BABAM2: variants seen among roughly 807,000 people sequenced by gnomAD.
BABAM2 encodes BRISC and BRCA1 A complex member 2.
BABAM2 carries 31 observed loss-of-function variants against 54.7 expected under a neutral mutation model. The ratio of observed to expected loss-of-function variants is 0.57; its 90% CI spans 0.43 to 0.77. The LOEUF (loss-of-function observed/expected upper bound fraction) is 0.77. Among genes scored for constraint, BABAM2 ranks in the 30% least tolerant of loss-of-function variants. BABAM2 has a pLI of 0.00. For missense variants in BABAM2, 364 were observed against 455.8 expected (o/e 0.80, Z 1.83); for synonymous variants, 167 against 162.9 (o/e 1.03, Z -0.19).
intron 4 of BABAM2, among the ~76,000 whole-genome samples, chr2:28,004,913 T>G (rs551765521): frequency 6.6e-6 from 1 of 152,308 alleles, no homozygotes; most frequent in South Asian, 2.1e-4. Flanking sequence ...AACATGAACT[T>G]TAGCCTAGTT....
At chr2:28,216,475 A>G (rs1245231652) in intron 7 of BABAM2, among the ~76,000 whole-genome samples, 1 of 152,234 alleles carries the variant, frequency 6.6e-6, no homozygotes, top group Non-Finnish European at 1.5e-5. Flanking sequence ...TATTTAGTTC[A>G]TCTTCCTTGG....
At chr2:27,948,973 A>G (rs764686728) in intron 3 of BABAM2, among the ~76,000 whole-genome samples, 1 of 152,150 alleles carries the variant, frequency 6.6e-6, no homozygotes, top group Non-Finnish European at 1.5e-5. Context: ...TTTTAAAATC[A>G]GGAATGGTCA....
chr2:28,298,260 A>T, intron 10 of BABAM2, 78 bp from the exon 11 acceptor site: 3 of 1,468,288 alleles, frequency 2.0e-6, no homozygotes, highest in Non-Finnish European at 1.9e-6. Context: ...CGTACCTAAC[A>T]TTCGGATTTA....
At chr2:28,201,852 A>G (rs2147956872) in intron 7 of BABAM2, among the ~76,000 whole-genome samples, 1 of 152,322 alleles carries the variant, frequency 6.6e-6, no homozygotes, top group African/African-American at 2.4e-5. Context: ...GGCAAGACAC[A>G]GGAGGATTAA....
At chr2:28,002,616 C>T (rs2148515020) in intron 4 of BABAM2, among the ~76,000 whole-genome samples, 1 of 152,048 alleles carries the variant, frequency 6.6e-6, no homozygotes, top group African/African-American at 2.4e-5. Context: ...TACTCCTAGA[C>T]ACATCATGGC....
chr2:28,133,074 G>T (rs1670229381), intron 7 of BABAM2, among the ~76,000 whole-genome samples: 2 of 152,154 alleles, frequency 1.3e-5, no homozygotes, highest in Admixed American at 1.3e-4. Context: ...ATATCTTTAA[G>T]TAGAAGTTTT....
At chr2:28,015,727 A>G in intron 4 of BABAM2, 1 of 1,036,018 alleles carries the variant, frequency 9.7e-7, no homozygotes, top group East Asian at 6.0e-5. Flanking sequence ...TTTATAAGGG[A>G]ATCCTGATTT....
chr2:28,143,405 A>G (rs1671230411), intron 7 of BABAM2, among the ~76,000 whole-genome samples: 1 of 152,116 alleles, frequency 6.6e-6, no homozygotes, highest in Non-Finnish European at 1.5e-5. Context: ...TTTGTGTAGG[A>G]TGAATAAATC....
chr2:28,158,966 A>G (rs6726716), intron 7 of BABAM2, among the ~76,000 whole-genome samples: 34,300 of 152,150 alleles, frequency 0.23, 4,051 homozygotes, highest in South Asian at 0.43. Flanking sequence ...ATGTCTGGAA[A>G]TTTTACTGGT....
At chr2:28,314,497 G>C (rs1032163413) in intron 11 of BABAM2, among the ~76,000 whole-genome samples, 2 of 152,218 alleles carry the variant, frequency 1.3e-5, no homozygotes, top group African/African-American at 4.8e-5. Context: ...TGTTTGCCTT[G>C]GTTGACACTC....
intron 6 of BABAM2, among the ~76,000 whole-genome samples, chr2:28,090,656 C>A (rs1012921765): frequency 6.6e-6 from 1 of 152,046 alleles, no homozygotes; most frequent in East Asian, 1.9e-4. Flanking sequence ...GGTCATTCCC[C>A]GGGGATTATT....
chr2:27,981,124 A>G (rs996437663), intron 3 of BABAM2, among the ~76,000 whole-genome samples: 1 of 152,168 alleles, frequency 6.6e-6, no homozygotes, highest in Non-Finnish European at 1.5e-5. Context: ...CTTAAAAATA[A>G]AGATCTTTGC....
intron 10 of BABAM2, among the ~76,000 whole-genome samples, chr2:28,275,206 A>AC (rs1685772081): frequency 6.6e-6 from 1 of 152,226 alleles, no homozygotes; most frequent in Non-Finnish European, 1.5e-5. Flanking sequence ...CATTTGGATG[A>AC]AGCCAACGGA....
At chr2:28,295,254 T>C (rs1487830587) in intron 10 of BABAM2, among the ~76,000 whole-genome samples, 1 of 152,192 alleles carries the variant, frequency 6.6e-6, no homozygotes, top group Admixed American at 6.5e-5. Context: ...GCCAGTAGCT[T>C]GAAAATCACA....
At chr2:28,159,182 A>G (rs1156643795) in intron 7 of BABAM2, among the ~76,000 whole-genome samples, 2 of 152,224 alleles carry the variant, frequency 1.3e-5, no homozygotes, top group Admixed American at 6.5e-5. Flanking sequence ...TTGAGTGCCT[A>G]TGACATGTCA....
At chr2:28,093,955 G>T (rs186269420) in intron 6 of BABAM2, among the ~76,000 whole-genome samples, 1 of 152,250 alleles carries the variant, frequency 6.6e-6, no homozygotes, top group Admixed American at 6.5e-5. Context: ...AGGCTGGGGG[G>T]CTGATGCAGG....
At chr2:28,279,681 T>TC (rs1686184206) in intron 10 of BABAM2, among the ~76,000 whole-genome samples, 1 of 150,176 alleles carries the variant, frequency 6.7e-6, no homozygotes, top group African/African-American at 2.5e-5. Flanking sequence ...TTTTTTTTTT[T>TC]TGAGATGGAG....
intron 3 of BABAM2, among the ~76,000 whole-genome samples, chr2:27,951,658 C>G (rs1669728825): frequency 6.6e-6 from 1 of 152,040 alleles, no homozygotes; most frequent in Non-Finnish European, 1.5e-5. Flanking sequence ...CAAATGTGAT[C>G]TATTGTTACT....
chr2:28,069,846 T>C (rs1222543776), intron 6 of BABAM2, among the ~76,000 whole-genome samples: 1 of 152,208 alleles, frequency 6.6e-6, no homozygotes, highest in East Asian at 1.9e-4. Flanking sequence ...TTTATTATCA[T>C]TCTTGTTACT....
Sources: gnomAD v4.1 joint callset for allele counts (sites outside exome capture counted in the v4.1 genomes callset) on GRCh38, gnomAD v4.1.1 for gene constraint, MANE v1.5 for transcripts, NCBI Gene and HGNC (gene_info 2026-07-23, HGNC 2026-07-21) for gene names.